The following HECW2 variants were observed in gnomAD, a reference collection of about 807,000 sequenced individuals.
The protein encoded by HECW2 is E3 ubiquitin-protein ligase HECW2.
In HECW2, 61 loss-of-function variants were observed where a neutral mutation model predicts 175.2. The ratio of observed to expected loss-of-function variants is 0.35; its 90% CI spans 0.28 to 0.43. The LOEUF is 0.43. HECW2 is among the 20% of genes least tolerant of loss of function. The pLI, the probability that HECW2 is intolerant of heterozygous loss-of-function variation, is 1.00. For synonymous variants in HECW2, 671 were observed against 731.0 expected, an observed-to-expected ratio of 0.92 and a Z score of 1.32; for missense variants, 1,524 against 2,000.5, an observed-to-expected ratio of 0.76 and a Z score of 4.54.
At chr2:196,551,527 C>A (rs1048776799) in intron 1 of HECW2, among the ~76,000 whole-genome samples, 6 of 152,162 alleles carry the variant, frequency 3.9e-5, no homozygotes, top group African/African-American at 1.4e-4. Context: ...TCTGTTTACT[C>A]TAAAACTATT....
intron 1 of HECW2, among the ~76,000 whole-genome samples, chr2:196,489,623 C>T (rs192014000): frequency 1.3e-5 from 2 of 152,298 alleles, no homozygotes; most frequent in South Asian, 4.1e-4. Context: ...AAATACTTAC[C>T]CTTAACACAC....
intron 2 of HECW2, among the ~76,000 whole-genome samples, chr2:196,370,744 A>G (rs1335911253): frequency 6.6e-6 from 1 of 152,124 alleles, no homozygotes; most frequent in African/African-American, 2.4e-5. Context: ...GCTGATCTAA[A>G]TGCTCCCTCT....
chr2:196,529,757 A>G (rs543258589), intron 1 of HECW2, among the ~76,000 whole-genome samples: 1 of 152,354 alleles, frequency 6.6e-6, no homozygotes, highest in Non-Finnish European at 1.5e-5. Flanking sequence ...GTGACCATGA[A>G]GAGCAACAAT....
At chr2:196,488,443 A>G (rs997367943) in intron 1 of HECW2, among the ~76,000 whole-genome samples, 4 of 152,218 alleles carry the variant, frequency 2.6e-5, no homozygotes, top group African/African-American at 9.7e-5. Context: ...TGACTAACTG[A>G]ATGACAATGA....
At chr2:196,414,769 C>G (rs1695208594) in intron 2 of HECW2, among the ~76,000 whole-genome samples, 1 of 152,182 alleles carries the variant, frequency 6.6e-6, no homozygotes, top group South Asian at 2.1e-4. Flanking sequence ...TCCCCCACAC[C>G]TGGTCCACAA....
chr2:196,307,420 G>T (rs1021960901), intron 11 of HECW2, among the ~76,000 whole-genome samples, 187 bp from the exon 12 acceptor site: 22 of 152,060 alleles, frequency 1.4e-4, no homozygotes, highest in African/African-American at 4.8e-4. Flanking sequence ...TCTGTCCATT[G>T]TTTGGGGAAC....
At chr2:196,220,472 T>C (rs1687626402) in intron 25 of HECW2, among the ~76,000 whole-genome samples, 1 of 152,220 alleles carries the variant, frequency 6.6e-6, no homozygotes, top group African/African-American at 2.4e-5. Flanking sequence ...ATCTCAGATA[T>C]AATTATTTCA....
chr2:196,579,094 G>C (rs1463446817), intron 1 of HECW2, among the ~76,000 whole-genome samples: 1 of 152,120 alleles, frequency 6.6e-6, no homozygotes, highest in African/African-American at 2.4e-5. Context: ...TTGGAGTGAA[G>C]TTTTATATAC....
intron 1 of HECW2, among the ~76,000 whole-genome samples, chr2:196,536,388 G>A (rs1241629870): frequency 6.6e-6 from 1 of 152,166 alleles, no homozygotes; most frequent in Non-Finnish European, 1.5e-5. Flanking sequence ...TGGACTACAT[G>A]AGAGAGCTGG....
chr2:196,311,389 G>A (rs781046030), intron 10 of HECW2, among the ~76,000 whole-genome samples: 2 of 152,128 alleles, frequency 1.3e-5, no homozygotes, highest in Non-Finnish European at 2.9e-5. Flanking sequence ...ACTAAAATTT[G>A]AGCAACACTG....
At chr2:196,420,188 C>T (rs1261519058) in intron 2 of HECW2, among the ~76,000 whole-genome samples, 1 of 152,164 alleles carries the variant, frequency 6.6e-6, no homozygotes, top group African/African-American at 2.4e-5. Context: ...ATCTGAGTTA[C>T]AATACTCTGG....
intron 9 of HECW2, 95 bp from the exon 10 acceptor site, chr2:196,317,464 GTTTC>G: frequency 1.1e-6 from 1 of 887,230 alleles, no homozygotes; most frequent in Non-Finnish European, 1.8e-6. Context: ...CCCAAGGCTA[GTTTC>G]TTTTCTCTGT....
chr2:196,223,057 T>G (rs1433549016), intron 23 of HECW2, among the ~76,000 whole-genome samples: 3 of 152,264 alleles, frequency 2.0e-5, no homozygotes, highest in Middle Eastern at 3.4e-3. Context: ...CTTAACCCAA[T>G]TTTAAGGGTC....
intron 2 of HECW2, among the ~76,000 whole-genome samples, chr2:196,346,081 G>A (rs1335729559): frequency 1.3e-5 from 2 of 152,178 alleles, no homozygotes; most frequent in South Asian, 2.1e-4. Context: ...TGAGGCCTCA[G>A]AAAAGATGAG....
chr2:196,316,027 C>T (rs1691682001), intron 10 of HECW2: 2 of 152,124 alleles, frequency 1.3e-5, no homozygotes, highest in African/African-American at 2.4e-5. Context: ...CCTTTTTTGA[C>T]TCATCTTTTC....
Position 196,370,119 on chromosome 2 carries a change from A to G in HECW2, c.293-26355T>C, listed in dbSNP as rs1389601411. Among the ~76,000 whole-genome samples the G allele has an allele frequency of 2.0e-5, 3 of 151,674 alleles. No individual in the cohort carries two copies. The East Asian group carries it at 5.9e-4, about 30-fold the overall frequency. ...CTCCCCTTAGCTGCCACAGCTGGGA[A>G]TCTGCTGGGTCATACCTGAAGCCAG... On this transcript the variant is annotated intron_variant, in intron 2 of 28. Transcript: ENST00000644978.
intron 2 of HECW2, among the ~76,000 whole-genome samples, chr2:196,430,495 C>G (rs940125582): frequency 1.3e-5 from 2 of 151,950 alleles, no homozygotes; most frequent in South Asian, 2.1e-4. Flanking sequence ...AAGACAGAAT[C>G]TTTAAAGTAG....
intron 1 of HECW2, among the ~76,000 whole-genome samples, chr2:196,468,405 C>G (rs1471650942): frequency 6.6e-6 from 1 of 152,198 alleles, no homozygotes; most frequent in Non-Finnish European, 1.5e-5. Context: ...AACACCCACC[C>G]ACCCCTACGC....
intron 2 of HECW2, among the ~76,000 whole-genome samples, chr2:196,345,634 T>C (rs1467592344): frequency 1.3e-5 from 2 of 152,070 alleles, no homozygotes; most frequent in Non-Finnish European, 2.9e-5. Flanking sequence ...TCTTGCTACC[T>C]AGGAAAAAAA....
Sources: allele counts gnomAD v4.1 joint callset (sites outside exome capture counted in the v4.1 genomes callset), GRCh38; gene constraint gnomAD v4.1.1; transcripts MANE v1.5; gene names NCBI Gene and HGNC (gene_info 2026-07-23, HGNC 2026-07-21).